Variants in ALK observed in about 807,000 individuals in gnomAD.
ALK encodes the protein ALK tyrosine kinase receptor.
In ALK, 74 loss-of-function variants were observed where a neutral mutation model predicts 163.1. The observed-to-expected ratio is 0.45, with a 90% CI of 0.38 to 0.55. The LOEUF (loss-of-function observed/expected upper bound fraction) is 0.55. ALK is among the 20% of genes least tolerant of loss of function. The probability of loss-of-function intolerance (pLI) is 0.00; values close to 1 mark genes in which losing one functional copy is unlikely to be tolerated. For missense variants in ALK, 2,063 were observed against 2,105.3 expected (o/e 0.98, Z 0.39); for synonymous variants, 960 against 843.2 (o/e 1.14, Z -2.40).
intron 4 of ALK, among the ~76,000 whole-genome samples, chr2:29,473,135 A>C (rs535839821): frequency 6.6e-6 from 1 of 152,240 alleles, no homozygotes; most frequent in Non-Finnish European, 1.5e-5. Context: ...CCTGTATTTA[A>C]AACAGTGTGG....
chr2:29,716,153 T>A (rs1200839576), intron 2 of ALK, among the ~76,000 whole-genome samples: 1 of 152,180 alleles, frequency 6.6e-6, no homozygotes, highest in Non-Finnish European at 1.5e-5. Context: ...TAGGTAAATA[T>A]GCCCAGAAGG....
intron 1 of ALK, among the ~76,000 whole-genome samples, chr2:29,786,081 A>G (rs1352181233): frequency 6.6e-6 from 1 of 152,190 alleles, no homozygotes; most frequent in Admixed American, 6.5e-5. Context: ...CACACAATGA[A>G]GAAAAAACGA....
chr2:29,898,834 G>T (rs577188239), intron 1 of ALK, among the ~76,000 whole-genome samples: 1 of 152,282 alleles, frequency 6.6e-6, no homozygotes, highest in Admixed American at 6.5e-5. Flanking sequence ...AGAAAAGGGT[G>T]GGGAGGAGAG....
chr2:29,720,530 T>G (rs1399105961), intron 1 of ALK, among the ~76,000 whole-genome samples: 1 of 151,496 alleles, frequency 6.6e-6, no homozygotes, highest in Admixed American at 6.6e-5. Context: ...AATGTGGGGG[T>G]CAGCCAAAAG....
chr2:29,889,550 G>A (rs993171503), intron 1 of ALK, among the ~76,000 whole-genome samples: 11 of 151,976 alleles, frequency 7.2e-5, no homozygotes, highest in Non-Finnish European at 1.2e-4. Flanking sequence ...GTAGTGGGGA[G>A]GCTGTGGAGA....
intron 4 of ALK, among the ~76,000 whole-genome samples, chr2:29,523,287 G>A (rs1444384700): frequency 6.6e-6 from 1 of 152,110 alleles, no homozygotes; most frequent in Non-Finnish European, 1.5e-5. Context: ...CCTTCTCAGG[G>A]CTAGCTTGCC....
At chr2:29,275,670 T>C (rs1665527643) in intron 9 of ALK, among the ~76,000 whole-genome samples, 174 bp from the exon 10 acceptor site, 1 of 152,200 alleles carries the variant, frequency 6.6e-6, no homozygotes, top group African/African-American at 2.4e-5. Context: ...ACTTCTGCAA[T>C]GCAGAGCACT....
chr2:29,642,786 A>G (rs1676742531), intron 3 of ALK, among the ~76,000 whole-genome samples: 1 of 152,196 alleles, frequency 6.6e-6, no homozygotes, highest in South Asian at 2.1e-4. Flanking sequence ...TTAGTACTAC[A>G]TGGATAAATC....
At chr2:29,217,025 G>A (rs551051791) in intron 23 of ALK, among the ~76,000 whole-genome samples, 2 of 144,888 alleles carry the variant, frequency 1.4e-5, no homozygotes. Context: ...AGTGTATGTG[G>A]TATGTGTCTG....
chr2:29,731,899 C>T (rs560180089), intron 1 of ALK, among the ~76,000 whole-genome samples: 2 of 152,260 alleles, frequency 1.3e-5, no homozygotes, highest in East Asian at 3.9e-4. Flanking sequence ...TGTCAGTGAC[C>T]TGTAAAGGTG....
intron 12 of ALK, among the ~76,000 whole-genome samples, chr2:29,250,873 C>T (rs1183113684): frequency 6.6e-6 from 1 of 152,228 alleles, no homozygotes; most frequent in Non-Finnish European, 1.5e-5. Context: ...CATATCACCT[C>T]CACGAACAGC....
At chr2:29,462,770 G>A (rs539002637) in intron 4 of ALK, among the ~76,000 whole-genome samples, 5 of 152,212 alleles carry the variant, frequency 3.3e-5, no homozygotes, top group Admixed American at 2.6e-4. Context: ...TCCTTTTAAA[G>A]CAATGGCTCC....
intron 1 of ALK, among the ~76,000 whole-genome samples, chr2:29,774,061 G>C (rs183884999): frequency 2.0e-5 from 3 of 152,366 alleles, no homozygotes; most frequent in African/African-American, 4.8e-5. Context: ...GTGCTAACCA[G>C]AGCAGCTCAC....
chr2:29,433,682 C>G (rs1270871177), intron 4 of ALK, among the ~76,000 whole-genome samples: 3 of 151,380 alleles, frequency 2.0e-5, no homozygotes, highest in East Asian at 3.9e-4. Context: ...TTTACAAAAC[C>G]AGGTGGCTGG....
chr2:29,911,817 T>C (rs1667710822), intron 1 of ALK, among the ~76,000 whole-genome samples: 1 of 152,184 alleles, frequency 6.6e-6, no homozygotes, highest in Admixed American at 6.5e-5. Context: ...ATGCCAATAA[T>C]AAGATCATCC....
chr2:29,592,225 T>C (rs1287813581), intron 3 of ALK, among the ~76,000 whole-genome samples: 3 of 152,082 alleles, frequency 2.0e-5, no homozygotes, highest in African/African-American at 7.2e-5. Context: ...TTAATCCTCA[T>C]CCTTTGTTCC....
At chr2:29,315,222 G>A (rs1666800190) in intron 8 of ALK, among the ~76,000 whole-genome samples, 1 of 152,022 alleles carries the variant, frequency 6.6e-6, no homozygotes, top group Admixed American at 6.5e-5. Flanking sequence ...GAGATAGGAG[G>A]CAGCCGTGGT....
At chr2:29,371,092 G>T (rs900480826) in intron 5 of ALK, among the ~76,000 whole-genome samples, 2 of 152,180 alleles carry the variant, frequency 1.3e-5, no homozygotes, top group Admixed American at 6.5e-5. Context: ...AGGGAAGGAG[G>T]GATCTCCGAG....
chr2:29,268,565 A>G (rs1473135933), intron 11 of ALK, among the ~76,000 whole-genome samples: 1 of 152,170 alleles, frequency 6.6e-6, no homozygotes, highest in Non-Finnish European at 1.5e-5. Context: ...ATGCTTGTTA[A>G]ATTGAACTAT....
Sources: gnomAD v4.1 joint callset for allele counts (sites outside exome capture counted in the v4.1 genomes callset) on GRCh38, gnomAD v4.1.1 for gene constraint, MANE v1.5 for transcripts, NCBI Gene and HGNC (gene_info 2026-07-23, HGNC 2026-07-21) for gene names.